ZNF430: variants seen among roughly 807,000 people sequenced by gnomAD.
ZNF430 encodes zinc finger protein 430.
Under a neutral mutation model 56.7 loss-of-function variants are expected in ZNF430, and 35 were observed. The ratio of observed to expected loss-of-function variants is 0.62; its 90% CI spans 0.47 to 0.82. The LOEUF (loss-of-function observed/expected upper bound fraction) is 0.82, where lower values mean the gene tolerates loss of function less well. Ranked by LOEUF, ZNF430 falls within the 40% of genes least tolerant of loss-of-function variation. The probability of loss-of-function intolerance (pLI) is 0.00; values close to 1 mark genes in which losing one functional copy is unlikely to be tolerated. For missense variants in ZNF430, 574 were observed against 661.0 expected (o/e 0.87, Z 1.44); for synonymous variants, 212 against 224.3 (o/e 0.94, Z 0.49).
At chr19:21,024,779 TA>T (rs879271275) in intron 2 of ZNF430, among the ~76,000 whole-genome samples, 424 of 138,470 alleles carry the variant, frequency 3.1e-3, no homozygotes, top group Admixed American at 3.3e-3. Flanking sequence ...GATTCCATCT[TA>T]AAAAAAAAAA....
intron 4 of ZNF430, among the ~76,000 whole-genome samples, chr19:21,052,968 G>T (rs1328951386): frequency 6.6e-6 from 1 of 152,152 alleles, no homozygotes; most frequent in African/African-American, 2.4e-5. Flanking sequence ...CTCATAGGCT[G>T]ACTACTATTG....
At chr19:21,024,865 G>T (rs139457692) in intron 2 of ZNF430, among the ~76,000 whole-genome samples, 1 of 152,170 alleles carries the variant, frequency 6.6e-6, no homozygotes, top group East Asian at 1.9e-4. Context: ...TTACCCTGAA[G>T]TCAGCATGTT....
intron 2 of ZNF430, among the ~76,000 whole-genome samples, chr19:21,025,497 C>G (rs1409773794): frequency 6.6e-6 from 1 of 152,164 alleles, no homozygotes; most frequent in Non-Finnish European, 1.5e-5. Context: ...GCCTAACCAT[C>G]TGGGAGTGCA....
chr19:21,053,940 G>T lies in ZNF430; in HGVS notation c.323-2691G>T, dbSNP rs190649804. On this transcript the variant is annotated intron_variant, in intron 4 of 4. Coordinates refer to ENST00000261560, the MANE Select transcript of ZNF430 (RefSeq NM_025189.4). ...GTGTATCTATACAAATATATTATTT[G>T]TGCTATCTTGGGGATTACATAAAAC... 1.1e-3 allele frequency among the ~76,000 whole-genome samples: 163 copies of T among 151,014 alleles called. 1 individual carries two copies. Among genetic ancestry groups the T allele is most frequent in the African/African-American group, 3.6e-3 (150 of 41,184 alleles).
chr19:21,023,637 C>A lies in ZNF430; in HGVS notation c.96+756C>A, dbSNP rs567338379. ...GAAATGAGTAGGGAAAATCTCTGTT[C>A]CATTTTTTTGTAGAAAATAAATACA... On this transcript the variant is annotated intron_variant, in intron 2 of 4. Coordinates refer to ENST00000261560, the MANE Select transcript of ZNF430 (RefSeq NM_025189.4). Among the ~76,000 whole-genome samples the A allele has an allele frequency of 4.6e-5, 7 of 152,080 alleles. No individual in the cohort carries two copies. The South Asian group carries it at 1.5e-3, about 32-fold the overall frequency.
intron 2 of ZNF430, among the ~76,000 whole-genome samples, chr19:21,024,916 T>G (rs959927814): frequency 3.9e-5 from 6 of 152,114 alleles, no homozygotes; most frequent in African/African-American, 1.4e-4. Flanking sequence ...TTGGCTCAGA[T>G]TGAGGGTAGC....
intron 2 of ZNF430, among the ~76,000 whole-genome samples, chr19:21,025,286 T>C (rs1967770947): frequency 6.6e-6 from 1 of 152,236 alleles, no homozygotes; most frequent in East Asian, 1.9e-4. Flanking sequence ...TTTCTGATGT[T>C]TCCATGATGT....
At chr19:21,033,275 C>T (rs948398378) in intron 2 of ZNF430, among the ~76,000 whole-genome samples, 181 bp from the exon 3 acceptor site, 8 of 151,486 alleles carry the variant, frequency 5.3e-5, no homozygotes, top group African/African-American at 1.5e-4. Flanking sequence ...AATCGCTTGA[C>T]GCCGGGATGC....
intron 4 of ZNF430, among the ~76,000 whole-genome samples, chr19:21,052,110 G>C (rs555309354): frequency 6.6e-6 from 1 of 152,160 alleles, no homozygotes; most frequent in African/African-American, 2.4e-5. Context: ...TATCTATATA[G>C]TTATAAATTT....
intron 1 of ZNF430, among the ~76,000 whole-genome samples, chr19:21,021,087 C>T (rs552408761): frequency 7.9e-5 from 12 of 151,994 alleles, no homozygotes; most frequent in Admixed American, 5.2e-4. Flanking sequence ...CCAGACTGTG[C>T]AGGGACCACG....
intron 4 of ZNF430, chr19:21,035,687 G>A (rs1265912452): frequency 1.1e-5 from 2 of 184,816 alleles, no homozygotes; most frequent in Non-Finnish European, 2.4e-5. Flanking sequence ...CATGTCTCCA[G>A]GGTCATAGAA....
At chr19:21,055,539 C>G (rs183658777) in intron 4 of ZNF430, among the ~76,000 whole-genome samples, 1 of 152,130 alleles carries the variant, frequency 6.6e-6, no homozygotes, top group East Asian at 1.9e-4. Context: ...CCCTCCGCCA[C>G]CTGGGTTCAA....
At chr19:21,049,713 T>C (rs541276686) in intron 4 of ZNF430, 3 of 151,536 alleles carry the variant, frequency 2.0e-5, no homozygotes, top group Non-Finnish European at 2.9e-5. Flanking sequence ...ACATTTCGTG[T>C]AACATTTCTT....
In ZNF430 at chr19:21,057,545, T is replaced by G. The variant is rs763929424; in HGVS notation, c.1237T>G (p.Ser413Ala). ...CEECGKGFNW[S>A]STLTKHKRIH... The stretch of plus-strand genomic sequence containing the variant: ...AGAATGTGGCAAAGGCTTTAATTGG[T>G]CCTCGACCCTTACTAAACATAAAAG... The change falls in exon 5 of 5, where the codon TCC becomes GCC. Residue 413 changes from serine (S) to alanine (A), a missense_variant. Physicochemically the swap from Ser to Ala is moderately conservative, Grantham distance 99. Around this residue, in one of 3 missense-constraint regions of ZNF430, gnomAD observed 213 missense variants for 221.0 expected, o/e 0.96. Coordinates refer to ENST00000261560, the MANE Select transcript of ZNF430 (RefSeq NM_025189.4). 6 of 1,613,076 alleles carry G rather than the reference T, an allele frequency of 3.7e-6. No homozygotes were observed. Among genetic ancestry groups the G allele is most frequent in the Non-Finnish European group, 4.2e-6 (5 of 1,179,938 alleles).
chr19:21,051,834 A>G (rs893845423), intron 4 of ZNF430, among the ~76,000 whole-genome samples: 1 of 152,132 alleles, frequency 6.6e-6, no homozygotes, highest in Non-Finnish European at 1.5e-5. Flanking sequence ...AATTGTTTTT[A>G]TTCTGTAACT....
Position 21,023,144 on chromosome 19 carries a change from G to A in ZNF430, c.96+263G>A, listed in dbSNP as rs111476609. ...AAAACACTGACCCCAGTGAGATGGC[G>A]TAAGAACTTGCAAAGTTAAATGCCC... On this transcript the variant is annotated intron_variant, in intron 2 of 4. Transcript: ENST00000261560. 1.1e-3 allele frequency among the ~76,000 whole-genome samples: 160 copies of A among 152,296 alleles called. 1 individual carries two copies. The highest frequency in any genetic ancestry group is 3.2e-3 in the African/African-American group (134 of 41,582).
intron 2 of ZNF430, among the ~76,000 whole-genome samples, chr19:21,026,822 C>CTTTAATT (rs1967805386): frequency 1.7e-5 from 1 of 60,108 alleles, no homozygotes; most frequent in East Asian, 5.6e-4. Context: ...TTTTTCTTTT[C>CTTTAATT]TTTTCTTTTT....
intron 4 of ZNF430, chr19:21,036,819 AC>A (rs896347677): frequency 9.4e-5 from 14 of 148,762 alleles, no homozygotes; most frequent in Non-Finnish European, 1.6e-4. Flanking sequence ...AAAAAAAAAA[AC>A]CACAGCTCTA....
intron 4 of ZNF430, chr19:21,034,895 TTTCTGTTCC>T (rs1278190404): frequency 6.6e-6 from 1 of 152,232 alleles, no homozygotes; most frequent in Non-Finnish European, 1.5e-5. Context: ...ATAGTAGTGG[TTTCTGTTCC>T]ACTGTTTTTT....
Sources: gnomAD v4.1 joint callset for allele counts (sites outside exome capture counted in the v4.1 genomes callset) on GRCh38, gnomAD v4.1.1 for gene constraint, gnomAD v4.1.1 regional missense constraint, MANE v1.5 for transcripts, NCBI Gene and HGNC (gene_info 2026-07-23, HGNC 2026-07-21) for gene names.